CCDC102B: variants seen among roughly 807,000 people sequenced by gnomAD.
CCDC102B encodes the protein coiled-coil domain-containing protein 102B.
A neutral mutation model predicts 57.4 loss-of-function variants in CCDC102B; 75 were observed. That is an observed-to-expected ratio of 1.31 (90% confidence interval 1.08 to 1.58). The LOEUF (loss-of-function observed/expected upper bound fraction) is 1.58. Ranked by LOEUF, CCDC102B falls within the 40% of genes most tolerant of loss-of-function variation. CCDC102B has a pLI of 0.00. For synonymous variants in CCDC102B, 206 were observed against 201.9 expected (o/e 1.02, Z -0.17); for missense variants, 636 against 582.6 (o/e 1.09, Z -0.94).
intron 2 of CCDC102B, among the ~76,000 whole-genome samples, chr18:68,770,188 A>G (rs531959440): frequency 6.6e-6 from 1 of 152,342 alleles, no homozygotes; most frequent in South Asian, 2.1e-4. Flanking sequence ...ACTAAGAGGT[A>G]AGAAATCTCT....
At chr18:68,966,592 G>T (rs943899033) in intron 6 of CCDC102B, among the ~76,000 whole-genome samples, 1 of 152,044 alleles carries the variant, frequency 6.6e-6, no homozygotes, top group Non-Finnish European at 1.5e-5. Context: ...TTTGGCTTTG[G>T]ATCAACCTTT....
intron 6 of CCDC102B, among the ~76,000 whole-genome samples, chr18:68,966,776 C>T (rs2050175551): frequency 6.6e-6 from 1 of 152,072 alleles, no homozygotes. Context: ...GTAGTCTTCT[C>T]AAGAGTTTTG....
intron 2 of CCDC102B, among the ~76,000 whole-genome samples, chr18:68,733,350 A>G (rs1301966540): frequency 1.3e-5 from 2 of 151,916 alleles, no homozygotes; most frequent in African/African-American, 4.8e-5. Context: ...CAAAATTACA[A>G]ATACTCTTGC....
At chr18:68,788,897 G>A (rs372361468) in intron 2 of CCDC102B, among the ~76,000 whole-genome samples, 19 of 150,360 alleles carry the variant, frequency 1.3e-4, no homozygotes, top group African/African-American at 1.7e-4. Flanking sequence ...TATTTTGCTC[G>A]TTAGTTGATG....
At position 68,731,995 on chromosome 18, in the gene CCDC102B, C is replaced by G. The variant is rs993647607; in HGVS notation, c.-67+15401C>G. 2.8e-5 allele frequency among the ~76,000 whole-genome samples: 4 copies of G among 143,902 alleles called. No individual in the cohort carries two copies. The Admixed American group carries it at 2.9e-4, about 10-fold the overall frequency. The allele number at this position is 143,902 out of a possible 152,430, so 94.4% of individuals were successfully genotyped here. ...TTTAAGTTATAGCATCTGCTAAATA[C>G]TGACTATTTTTCTCACATAAAAGTC... On this transcript the variant is annotated intron_variant, in intron 2 of 3. Transcript: ENST00000578970.
chr18:68,897,175 A>G (rs2040270941), intron 5 of CCDC102B, 44 bp from the exon 6 acceptor site: 11 of 1,517,106 alleles, frequency 7.3e-6, no homozygotes, highest in Non-Finnish European at 9.0e-6. Context: ...TCTTTTGGCA[A>G]TTGCAAATGC....
intron 5 of CCDC102B, among the ~76,000 whole-genome samples, chr18:68,891,180 C>A (rs767236149): frequency 6.6e-6 from 1 of 152,114 alleles, no homozygotes; most frequent in Non-Finnish European, 1.5e-5. Context: ...TATTATTATA[C>A]GTAATAGCCC....
At chr18:68,799,379 G>A (rs141210196) in intron 1 of CCDC102B, among the ~76,000 whole-genome samples, 9 of 152,122 alleles carry the variant, frequency 5.9e-5, no homozygotes, top group African/African-American at 1.9e-4. Context: ...TCCTTCATAT[G>A]TTATCATTGG....
intron 5 of CCDC102B, among the ~76,000 whole-genome samples, chr18:68,888,718 C>T (rs188570800): frequency 4.6e-5 from 7 of 152,226 alleles, no homozygotes; most frequent in African/African-American, 1.7e-4. Flanking sequence ...CATGGATTTC[C>T]TAATGCTTCA....
chr18:68,797,471 A>G (rs968898932), upstream of CCDC102B, among the ~76,000 whole-genome samples: 1 of 151,976 alleles, frequency 6.6e-6, no homozygotes, highest in African/African-American at 2.4e-5. Context: ...AGTCATGTCA[A>G]TGGAAAGCTA....
intron 2 of CCDC102B, among the ~76,000 whole-genome samples, chr18:68,729,240 G>A (rs534291569): frequency 7.2e-5 from 11 of 152,184 alleles, no homozygotes; most frequent in African/African-American, 2.4e-4. Flanking sequence ...GCACTGCAGT[G>A]GATAGATAAC....
chr18:68,818,491 A>G (rs1474142759), intron 1 of CCDC102B, among the ~76,000 whole-genome samples: 1 of 152,182 alleles, frequency 6.6e-6, no homozygotes, highest in East Asian at 1.9e-4. Context: ...AGATCAAGTA[A>G]TAGAATATTG....
At chr18:68,957,260 G>A (rs1030765793) in intron 6 of CCDC102B, among the ~76,000 whole-genome samples, 4 of 151,998 alleles carry the variant, frequency 2.6e-5, no homozygotes, top group Admixed American at 2.0e-4. Context: ...ATAGTGTGAT[G>A]CCTTATATTT....
chr18:68,793,991 A>G (rs971502212), upstream of CCDC102B, among the ~76,000 whole-genome samples: 1 of 152,124 alleles, frequency 6.6e-6, no homozygotes, highest in Non-Finnish European at 1.5e-5. Context: ...ATCTAGAGTA[A>G]ATCAGTTTTG....
chr18:69,000,197 A>G (rs959441520), intron 6 of CCDC102B, among the ~76,000 whole-genome samples: 7 of 152,226 alleles, frequency 4.6e-5, no homozygotes, highest in African/African-American at 1.7e-4. Flanking sequence ...AAATGTATGT[A>G]TAAAAAGCAT....
At chr18:69,015,181 T>A (rs1256035866) in intron 7 of CCDC102B, among the ~76,000 whole-genome samples, 3 of 152,212 alleles carry the variant, frequency 2.0e-5, no homozygotes, top group Non-Finnish European at 4.4e-5. Flanking sequence ...TAACTGGGTA[T>A]ATGTCACATT....
At chr18:68,920,142 G>A (rs1469628962) in intron 6 of CCDC102B, among the ~76,000 whole-genome samples, 3 of 151,896 alleles carry the variant, frequency 2.0e-5, no homozygotes, top group African/African-American at 7.2e-5. Flanking sequence ...ACAGGCCCCA[G>A]TGTGTGTTGT....
chr18:68,820,414 A>G (rs2036647325), intron 1 of CCDC102B, among the ~76,000 whole-genome samples: 1 of 152,042 alleles, frequency 6.6e-6, no homozygotes. Context: ...CAACTTCGTG[A>G]TATATTAATT....
At chr18:68,939,229 A>G (rs1419377981) in intron 6 of CCDC102B, among the ~76,000 whole-genome samples, 1 of 151,822 alleles carries the variant, frequency 6.6e-6, no homozygotes, top group Non-Finnish European at 1.5e-5. Flanking sequence ...GTGAGATAAC[A>G]AAATGTTCTC....
Sources: allele counts gnomAD v4.1 joint callset (sites outside exome capture counted in the v4.1 genomes callset), GRCh38; gene constraint gnomAD v4.1.1; transcripts MANE v1.5; gene names NCBI Gene and HGNC (gene_info 2026-07-23, HGNC 2026-07-21).